ITGB3: variants seen among roughly 807,000 people sequenced by gnomAD.
ITGB3 encodes integrin beta-3.
Under a neutral mutation model 85.8 loss-of-function variants are expected in ITGB3, and 48 were observed. That is an observed-to-expected ratio of 0.56 (90% CI 0.44 to 0.71). The LOEUF is 0.71. Among genes scored for constraint, ITGB3 ranks in the 30% least tolerant of loss-of-function variants. The pLI is 0.00. For synonymous variants in ITGB3, 363 were observed against 395.6 expected (o/e 0.92, Z 0.98); for missense variants, 861 against 1,019.1 (o/e 0.84, Z 2.11).
Position 47,299,404 on chromosome 17 carries a change from GC to G in ITGB3, c.1788del (p.Ser596ArgfsTer73), listed in dbSNP as rs2065157638. On this transcript the variant is annotated frameshift_variant, in exon 11 of 15. Coordinates refer to ENST00000559488, the MANE Select transcript of ITGB3 (RefSeq NM_000212.3). LOFTEE classifies it high-confidence loss of function. The surrounding 1 kb of genome is among the most constrained non-coding windows in gnomAD (Gnocchi z 5.1). Reference sequence around the variant, plus strand: ...ACGCGTACTGACACCTGCATGTCCAGCAATGGGCTGCTGTGCAGCGGCCGCG... The same window carrying G: ...ACGCGTACTGACACCTGCATGTCCAGAATGGGCTGCTGTGCAGCGGCCGCG... The part of the protein sequence containing the change: ...CTTRTDTCMS[S>X]NGLLCSGRGK... 6.2e-7 allele frequency: 1 copy of G among 1,614,212 alleles called. No homozygotes were observed.
At chr17:47,292,047 TGGCAG>T in intron 9 of ITGB3, 87 bp from the exon 10 acceptor site, 1 of 1,352,516 alleles carries the variant, frequency 7.4e-7, no homozygotes. Context: ...GGGTATTCCT[TGGCAG>T]GGCAGGGAAC....
intron 1 of ITGB3, among the ~76,000 whole-genome samples, chr17:47,273,411 G>A (rs1009173166): frequency 9.9e-5 from 15 of 152,198 alleles, no homozygotes; most frequent in African/African-American, 2.2e-4. Flanking sequence ...CAGGAAGAAG[G>A]GTTCACCTGG....
At position 47,253,868 on chromosome 17, in the gene ITGB3, G is replaced by C. The variant is rs1337664600; in HGVS notation, c.7G>C (p.Ala3Pro). ...GCCGCGGGAGGCGGACGAGATGCGAGCGCGGCCGCGGCCCCGGCCGCTCTG... is the reference window on the plus strand; with the variant it reads ...GCCGCGGGAGGCGGACGAGATGCGACCGCGGCCGCGGCCCCGGCCGCTCTG... Reference protein sequence around the residue: MRARPRPRPLWAT... With the variant: MRPRPRPRPLWAT... Residue 3 changes from alanine to proline, a missense_variant, in exon 1 of 15, where the codon GCG becomes CCG. Ala to Pro is a conservative substitution (Grantham distance 27). Transcript: ENST00000559488. 7.3e-6 allele frequency: 9 copies of C among 1,240,838 alleles called. No homozygotes were observed. Among genetic ancestry groups the C allele is most frequent in the Non-Finnish European group, 9.1e-6 (9 of 993,366 alleles). 76.9% of individuals were successfully genotyped at this position (1,240,838 alleles called of 1,614,324 possible).
At chr17:47,284,793 T>A in intron 4 of ITGB3, 98 bp downstream of exon 4, 1 of 1,512,710 alleles carries the variant, frequency 6.6e-7, no homozygotes, top group Non-Finnish European at 9.1e-7. Flanking sequence ...TTGTTGGCTG[T>A]CTTCTTGCCA....
intron 1 of ITGB3, among the ~76,000 whole-genome samples, chr17:47,266,997 G>C (rs534805465): frequency 1.3e-5 from 2 of 152,200 alleles, no homozygotes; most frequent in Non-Finnish European, 2.9e-5. Context: ...CATACTTAAC[G>C]TCATGTCTAG....
intron 13 of ITGB3, among the ~76,000 whole-genome samples, chr17:47,307,158 C>G (rs2065191647): frequency 6.6e-6 from 1 of 152,038 alleles, no homozygotes; most frequent in East Asian, 1.9e-4. Flanking sequence ...CCGTCTCCAC[C>G]CTCAAGTAGG....
In ITGB3 at chr17:47,292,266, G is replaced by C. The variant is rs2143112826; in HGVS notation, c.1388G>C (p.Cys463Ser). 2 of 1,614,222 alleles carry C rather than the reference G, an allele frequency of 1.2e-6. No homozygotes were observed. Among genetic ancestry groups the C allele is most frequent in the South Asian group, 1.1e-5 (1 of 91,078 alleles). ...VQVTFDCDCA[C>S]QAQAEPNSHR... ...GTCACCTTTGATTGTGACTGTGCCT[G>C]CCAGGCCCAAGCTGAACCTAATAGC... Residue 463 changes from cysteine (C) to serine (S), a missense_variant, in exon 10 of 15, where the codon TGC (cysteine) becomes TCC (serine). Cys to Ser is a moderately radical substitution (Grantham distance 112, BLOSUM62 -1). Transcript: ENST00000559488.
chr17:47,266,588 A>G (rs2065026575), intron 1 of ITGB3, among the ~76,000 whole-genome samples: 1 of 152,046 alleles, frequency 6.6e-6, no homozygotes, highest in African/African-American at 2.4e-5. Context: ...TTTTCAAAAA[A>G]CTTTTTTGAG....
At chr17:47,265,869 C>G (rs1045749308) in intron 1 of ITGB3, among the ~76,000 whole-genome samples, 1 of 152,094 alleles carries the variant, frequency 6.6e-6, no homozygotes, top group Non-Finnish European at 1.5e-5. Flanking sequence ...AAATATGGTG[C>G]CTGGGTTCTC....
At chr17:47,307,180 G>A (rs921418174) in intron 13 of ITGB3, among the ~76,000 whole-genome samples, 3 of 151,780 alleles carry the variant, frequency 2.0e-5, no homozygotes, top group African/African-American at 4.8e-5. Flanking sequence ...CCCAGTGTCT[G>A]GTGTTCTCTT....
At chr17:47,275,999 C>G (rs556016729) in intron 2 of ITGB3, among the ~76,000 whole-genome samples, 1 of 152,266 alleles carries the variant, frequency 6.6e-6, no homozygotes, top group African/African-American at 2.4e-5. Context: ...ACTAAAGCTT[C>G]TTTTACCAGG....
intron 6 of ITGB3, among the ~76,000 whole-genome samples, chr17:47,288,327 A>G (rs2065112091): frequency 6.6e-6 from 1 of 152,164 alleles, no homozygotes; most frequent in Non-Finnish European, 1.5e-5. Context: ...TGAAAGAAAG[A>G]AGGCTAAAGG....
chr17:47,295,511 C>T (rs1256326210), intron 10 of ITGB3, among the ~76,000 whole-genome samples: 1 of 152,184 alleles, frequency 6.6e-6, no homozygotes, highest in Non-Finnish European at 1.5e-5. Flanking sequence ...GACATTACCA[C>T]ACTGTGGCTA....
intron 1 of ITGB3, among the ~76,000 whole-genome samples, chr17:47,267,284 G>A (rs1355022511): frequency 1.3e-5 from 2 of 152,188 alleles, no homozygotes; most frequent in African/African-American, 4.8e-5. Flanking sequence ...GGAGGTAGGA[G>A]TTGTTTGTTC....
In ITGB3 at chr17:47,274,834, A is replaced by G. The variant is rs532325241; in HGVS notation, c.165+330A>G. Among the ~76,000 whole-genome samples, 7 of 152,222 alleles carry G rather than the reference A, an allele frequency of 4.6e-5. No individual in the cohort carries two copies. In the South Asian group the frequency reaches 1.5e-3, roughly 32 times the overall value. On this transcript the variant is annotated intron_variant, in intron 2 of 14. Transcript: ENST00000559488. Reference sequence around the variant, plus strand: ...GTTTATTTTAAATTTTTTGGTAGAGACAGGGTCTCACTATGTTGCCCAGGC... The same window carrying G: ...GTTTATTTTAAATTTTTTGGTAGAGGCAGGGTCTCACTATGTTGCCCAGGC...
At position 47,257,924 on chromosome 17, in the gene ITGB3, G is replaced by T. The variant is rs921694617; in HGVS notation, c.79+3984G>T. ...GCAAGCACACCACAGTGAGGAGGGG[G>T]AGTCTGGCTATGACTTTAGAATTTC... On this transcript the variant is annotated intron_variant, in intron 1 of 14. Coordinates refer to ENST00000559488, the MANE Select transcript of ITGB3 (RefSeq NM_000212.3). Among the ~76,000 whole-genome samples, 13 of 152,294 alleles carry T rather than the reference G, an allele frequency of 8.5e-5. 1 individual carries two copies. The highest frequency in any genetic ancestry group is 3.1e-4 in the African/African-American group (13 of 41,552).
At chr17:47,304,583 GCTT>G (rs556522062) in intron 13 of ITGB3, among the ~76,000 whole-genome samples, 22 of 152,164 alleles carry the variant, frequency 1.4e-4, no homozygotes, top group African/African-American at 4.8e-4. Context: ...TTGGCTTCCT[GCTT>G]TTTTTGTTTT....
At chr17:47,270,466 A>G (rs2065040455) in intron 1 of ITGB3, among the ~76,000 whole-genome samples, 1 of 152,236 alleles carries the variant, frequency 6.6e-6, no homozygotes, top group African/African-American at 2.4e-5. Flanking sequence ...TAAGGCTAAG[A>G]GATGGCCAGG....
At chr17:47,304,309 G>A (rs1015081304) in intron 13 of ITGB3, among the ~76,000 whole-genome samples, 12 of 152,322 alleles carry the variant, frequency 7.9e-5, no homozygotes, top group Middle Eastern at 3.4e-3. Context: ...CAGACAGTGG[G>A]GGAGATGATT....
Sources: gnomAD v4.1 joint callset for allele counts (sites outside exome capture counted in the v4.1 genomes callset) on GRCh38, gnomAD v4.1.1 for gene constraint, Gnocchi (gnomAD v3.1) non-coding constraint, MANE v1.5 for transcripts, NCBI Gene and HGNC (gene_info 2026-07-23, HGNC 2026-07-21) for gene names.